EML6: variants seen among roughly 807,000 people sequenced by gnomAD.
EML6 encodes the protein echinoderm microtubule-associated protein-like 6.
In EML6, 154 loss-of-function variants were observed where a neutral mutation model predicts 240.1. The observed-to-expected ratio is 0.64, with a 90% CI of 0.56 to 0.73. EML6 has a LOEUF of 0.73. EML6 is among the 30% of genes least tolerant of loss of function. EML6 has a pLI of 0.00. For synonymous variants in EML6, 1,148 were observed against 899.0 expected (o/e 1.28, Z -4.95); for missense variants, 2,964 against 2,474.6 (o/e 1.20, Z -4.20).
At chr2:54,843,336 G>C (rs1233329795) in intron 7 of EML6, among the ~76,000 whole-genome samples, 1 of 152,114 alleles carries the variant, frequency 6.6e-6, no homozygotes, top group Non-Finnish European at 1.5e-5. Flanking sequence ...GGTGAAGCAG[G>C]AGGATTACTT....
intron 26 of EML6, 151 bp from the exon 27 acceptor site, chr2:54,928,162 G>T (rs538398019): frequency 1.5e-6 from 1 of 679,364 alleles, no homozygotes. Flanking sequence ...GAGACCTAGT[G>T]CCTGCCCACA....
At chr2:54,734,870 G>T (rs1046007966) in intron 2 of EML6, among the ~76,000 whole-genome samples, 8 of 152,052 alleles carry the variant, frequency 5.3e-5, no homozygotes, top group African/African-American at 1.9e-4. Flanking sequence ...CTTGCTTAAG[G>T]CTCCTTATTG....
intron 16 of EML6, among the ~76,000 whole-genome samples, chr2:54,874,870 T>G (rs1304435277): frequency 6.6e-6 from 1 of 152,150 alleles, no homozygotes; most frequent in African/African-American, 2.4e-5. Context: ...TCCTGAAGTT[T>G]GGTGGGGTGG....
At chr2:54,827,792 ATAAGG>A (rs1668668061) in intron 6 of EML6, 41 bp downstream of exon 6, 1 of 1,431,870 alleles carries the variant, frequency 7.0e-7, no homozygotes, top group African/African-American at 1.4e-5. Context: ...GACCTACCAA[ATAAGG>A]TAAGACCACG....
intron 9 of EML6, among the ~76,000 whole-genome samples, chr2:54,847,928 A>G (rs1481798738): frequency 2.6e-5 from 4 of 152,234 alleles, no homozygotes; most frequent in African/African-American, 9.6e-5. Context: ...ATTGTGTTTA[A>G]TACAGATTGC....
intron 10 of EML6, 99 bp downstream of exon 10, chr2:54,850,317 C>T (rs1178827918): frequency 1.7e-6 from 2 of 1,160,484 alleles, no homozygotes; most frequent in Non-Finnish European, 1.2e-6. Flanking sequence ...AGAATTTGTA[C>T]AGCAGGTTTT....
intron 11 of EML6, 127 bp downstream of exon 11, chr2:54,853,982 C>G (rs1670234062): frequency 3.9e-6 from 2 of 514,986 alleles, no homozygotes; most frequent in East Asian, 6.7e-5. Context: ...TTCTTATTTA[C>G]TTTTCAACAA....
chr2:54,833,524 C>T lies in EML6; in HGVS notation c.847+4047C>T, dbSNP rs189124535. Among the ~76,000 whole-genome samples, 314 of 152,198 alleles carry T rather than the reference C, an allele frequency of 2.1e-3. 1 individual carries two copies. The highest frequency in any genetic ancestry group is 0.01 in the Middle Eastern group (3 of 294). ...TTGACTTACAGTAAAAACAATTAAC[C>T]CCACTTTAGGTTAAGCGTGAATGAT... On this transcript the variant is annotated intron_variant, in intron 7 of 41. Coordinates refer to ENST00000356458, the MANE Select transcript of EML6 (RefSeq NM_001039753.4).
intron 28 of EML6, among the ~76,000 whole-genome samples, chr2:54,938,933 C>T (rs779190454): frequency 6.6e-6 from 1 of 152,192 alleles, no homozygotes; most frequent in Non-Finnish European, 1.5e-5. Flanking sequence ...CAGGCCCTTG[C>T]TGTTGACCTG....
chr2:54,852,804 G>C (rs935777008), intron 10 of EML6, among the ~76,000 whole-genome samples: 1 of 152,178 alleles, frequency 6.6e-6, no homozygotes, highest in African/African-American at 2.4e-5. Context: ...AGAGAAGTTA[G>C]GTAATATGCT....
Position 54,853,537 on chromosome 2 carries a change from A to G in EML6, c.1445-106A>G, listed in dbSNP as rs527847778. ...ATGGGATAAAGAGATTAAAATATGT[A>G]GTTTTCTGTATTTACAAAAGTTTTC... On this transcript the variant is annotated intron_variant, in intron 10 of 41. Coordinates refer to ENST00000356458, the MANE Select transcript of EML6 (RefSeq NM_001039753.4). 17 of 740,834 alleles carry G rather than the reference A, an allele frequency of 2.3e-5. No individual in the cohort carries two copies. In the South Asian group the frequency reaches 4.0e-4, roughly 17 times the overall value. The allele number at this position is 740,834 out of a possible 1,614,324, so 45.9% of individuals were successfully genotyped here.
In EML6 at chr2:54,853,843, T is replaced by C; in HGVS notation, c.1645T>C (p.Cys549Arg). ...FGLVKLFKFP[C>R]LKRGAKFRKY... ...ACTGGTTAAATTGTTTAAATTTCCTTGTCTCAAGAGAGGTAAGGCCAAAAG... is the reference window on the plus strand; with the variant it reads ...ACTGGTTAAATTGTTTAAATTTCCTCGTCTCAAGAGAGGTAAGGCCAAAAG... The change falls in exon 11 of 42, where the codon TGT (cysteine) becomes CGT (arginine). Residue 549 changes from cysteine (C) to arginine (R), a missense_variant. Cys to Arg is a radical substitution (Grantham distance 180). Coordinates refer to ENST00000356458, the MANE Select transcript of EML6 (RefSeq NM_001039753.4). 6 of 1,550,970 alleles carry C rather than the reference T, an allele frequency of 3.9e-6. No individual in the cohort carries two copies. Among genetic ancestry groups the C allele is most frequent in the Non-Finnish European group, 5.2e-6 (6 of 1,146,394 alleles).
chr2:54,922,933 CTTTTTTTT>C (rs36078208), intron 26 of EML6, among the ~76,000 whole-genome samples: 4 of 73,850 alleles, frequency 5.4e-5, no homozygotes, highest in Admixed American at 1.7e-4. Flanking sequence ...AGGGTATAAA[CTTTTTTTT>C]TTTTTTTTTT....
intron 2 of EML6, among the ~76,000 whole-genome samples, chr2:54,730,806 A>G (rs954831907): frequency 3.3e-5 from 5 of 152,176 alleles, no homozygotes; most frequent in South Asian, 4.1e-4. Context: ...ATTCTTTCAT[A>G]TTTGTTAATT....
intron 2 of EML6, among the ~76,000 whole-genome samples, chr2:54,799,510 T>A (rs572855050): frequency 6.6e-6 from 1 of 152,310 alleles, no homozygotes; most frequent in Admixed American, 6.5e-5. Flanking sequence ...CACGCCCAGC[T>A]AATTTTTGTA....
At chr2:54,821,758 C>A (rs1668345600) in intron 5 of EML6, among the ~76,000 whole-genome samples, 1 of 152,010 alleles carries the variant, frequency 6.6e-6, no homozygotes, top group African/African-American at 2.4e-5. Context: ...CTGGCAGGCA[C>A]AAATTTATCA....
intron 7 of EML6, among the ~76,000 whole-genome samples, chr2:54,834,085 A>G (rs1669010500): frequency 6.6e-6 from 1 of 152,142 alleles, no homozygotes; most frequent in South Asian, 2.1e-4. Flanking sequence ...TCCAATATAC[A>G]TCTTAGTGAA....
intron 17 of EML6, among the ~76,000 whole-genome samples, chr2:54,888,660 A>G (rs1204657080): frequency 6.6e-6 from 1 of 151,994 alleles, no homozygotes; most frequent in Non-Finnish European, 1.5e-5. Flanking sequence ...AATGATATAT[A>G]TTTACATTTC....
intron 29 of EML6, among the ~76,000 whole-genome samples, chr2:54,949,971 C>T (rs893773342): frequency 2.6e-5 from 4 of 152,226 alleles, no homozygotes; most frequent in African/African-American, 4.8e-5. Flanking sequence ...CCTAAACCTT[C>T]CTGCAGTTCC....
Sources: allele counts gnomAD v4.1 joint callset (sites outside exome capture counted in the v4.1 genomes callset), GRCh38; gene constraint gnomAD v4.1.1; transcripts MANE v1.5; gene names NCBI Gene and HGNC (gene_info 2026-07-23, HGNC 2026-07-21).